Variants in CAPN8 observed in about 807,000 individuals in gnomAD.
The protein encoded by CAPN8 is calpain-8.
CAPN8 carries 87 observed loss-of-function variants against 80.9 expected under a neutral mutation model. The ratio of observed to expected loss-of-function variants is 1.07; its 90% CI spans 0.90 to 1.28. The LOEUF is 1.28. CAPN8 is among the 50% of genes most tolerant of loss of function. The probability of loss-of-function intolerance (pLI) is 0.00; values close to 1 mark genes in which losing one functional copy is unlikely to be tolerated. For synonymous variants in CAPN8, 299 were observed against 273.8 expected (o/e 1.09, Z -0.91); for missense variants, 757 against 702.0 (o/e 1.08, Z -0.89).
intron 1 of CAPN8, among the ~76,000 whole-genome samples, chr1:223,656,900 G>A (rs1000585448): frequency 1.3e-5 from 2 of 151,860 alleles, no homozygotes; most frequent in African/African-American, 2.4e-5. Flanking sequence ...TAACCAGGAT[G>A]GTCTCCATCT....
intron 1 of CAPN8, 132 bp from the exon 2 acceptor site, chr1:223,654,531 T>A (rs921328217): frequency 4.7e-5 from 36 of 771,234 alleles, no homozygotes; most frequent in Middle Eastern, 6.8e-4. Context: ...CATCACATGG[T>A]TTTATTGCTG....
At chr1:223,628,851 TC>T in intron 2 of CAPN8, 71 bp from the exon 3 acceptor site, 1 of 1,257,860 alleles carries the variant, frequency 8.0e-7, no homozygotes, top group Non-Finnish European at 1.1e-6. Context: ...TCTGACCCTG[TC>T]CCATTCAACC....
At chr1:223,627,353 C>G (rs949744391) in intron 4 of CAPN8, among the ~76,000 whole-genome samples, 196 bp from the exon 5 acceptor site, 2 of 152,186 alleles carry the variant, frequency 1.3e-5, no homozygotes, top group Admixed American at 1.3e-4. Flanking sequence ...TAGGAACTGA[C>G]CTCAGCCAAC....
At chr1:223,644,899 G>T (rs1279887391) in intron 2 of CAPN8, among the ~76,000 whole-genome samples, 1 of 152,158 alleles carries the variant, frequency 6.6e-6, no homozygotes, top group Admixed American at 6.5e-5. Flanking sequence ...TATTAGTCAG[G>T]GTTCTCTAGA....
At chr1:223,548,752 G>A (rs1434893436) in intron 16 of CAPN8, among the ~76,000 whole-genome samples, 1 of 152,152 alleles carries the variant, frequency 6.6e-6, no homozygotes, top group Non-Finnish European at 1.5e-5. Flanking sequence ...TGTTACAGCA[G>A]CCAGAACAGC....
At chr1:223,609,123 G>T (rs905543994) in intron 12 of CAPN8, 30 bp downstream of exon 12, 4 of 398,172 alleles carry the variant, frequency 1.0e-5, no homozygotes, top group African/African-American at 8.2e-5. Flanking sequence ...ACAGACAACT[G>T]TTCCCCACCA....
intron 13 of CAPN8, among the ~76,000 whole-genome samples, chr1:223,556,923 T>C (rs1656918576): frequency 6.6e-6 from 1 of 151,900 alleles, no homozygotes; most frequent in South Asian, 2.1e-4. Flanking sequence ...TGAGCTGGCA[T>C]CAGCAACTGA....
intron 16 of CAPN8, among the ~76,000 whole-genome samples, chr1:223,545,821 CTT>C (rs141485616): frequency 4.1e-5 from 4 of 98,572 alleles, no homozygotes; most frequent in South Asian, 3.6e-4. Flanking sequence ...CACTCCACAA[CTT>C]TTTTTTTTTT....
At chr1:223,632,224 A>G (rs982522656) in intron 2 of CAPN8, among the ~76,000 whole-genome samples, 7 of 152,184 alleles carry the variant, frequency 4.6e-5, no homozygotes, top group Non-Finnish European at 1.5e-5. Flanking sequence ...GATTGTCATG[A>G]CGAGAATGCG....
In CAPN8 at chr1:223,620,274, GA is replaced by G. The variant is rs1441176735; in HGVS notation, c.900-9del. 1 of 1,551,352 alleles carries G rather than the reference GA, an allele frequency of 6.4e-7. No individual in the cohort carries two copies. Among genetic ancestry groups the G allele is most frequent in the Non-Finnish European group, 8.7e-7 (1 of 1,146,738 alleles). ...TGATTCCACTCTGGTGCACTGAGGG[GA>G]AAACAAGCAGAGATGCTCGCTCCTG... On this transcript the variant is annotated splice_polypyrimidine_tract_variant and intron_variant, in intron 7 of 20. Coordinates refer to ENST00000366872, the MANE Select transcript of CAPN8 (RefSeq NM_001143962.2).
intron 2 of CAPN8, among the ~76,000 whole-genome samples, chr1:223,633,100 G>T (rs572948645): frequency 3.5e-4 from 54 of 152,300 alleles, no homozygotes; most frequent in African/African-American, 1.3e-3. Context: ...CTAGCCCTGG[G>T]CTGTCTGCCT....
chr1:223,652,034 T>C (rs1658355469), intron 2 of CAPN8, among the ~76,000 whole-genome samples: 1 of 152,238 alleles, frequency 6.6e-6, no homozygotes. Flanking sequence ...TTTCAGTTGC[T>C]TTAATTTTTA....
rs912016155 is a variant in CAPN8, at chr1:223,609,333, C to T, written c.1355G>A (p.Arg452Gln). ...LESHTDAHLG[R>Q]DFFLAYQPSA... is the part of the protein sequence containing the mutation. ...GGGCTGGTAGGCCAGGAAGAAATCC[C>T]GGCCCAAGTGTGCGTCCGTGTGACT... The change falls in exon 12 of 21, where the codon CGG becomes CAG. Residue 452 changes from arginine to glutamine, a missense_variant. Coordinates refer to ENST00000366872, the MANE Select transcript of CAPN8 (RefSeq NM_001143962.2). The T allele has an allele frequency of 9.0e-5, 36 of 398,394 alleles. No homozygotes were observed. The highest frequency in any genetic ancestry group is 1.4e-4 in the Non-Finnish European group (31 of 226,042). The allele number at this position is 398,394 out of a possible 1,614,324, so 24.7% of individuals were successfully genotyped here.
In CAPN8 at chr1:223,635,079, T is replaced by C. The variant is rs190317821; in HGVS notation, c.308-6299A>G. 5.1e-4 allele frequency among the ~76,000 whole-genome samples: 78 copies of C among 152,358 alleles called. No individual in the cohort carries two copies. In the South Asian group the frequency reaches 9.3e-3, roughly 18 times the overall value. On this transcript the variant is annotated intron_variant, in intron 2 of 20. Transcript: ENST00000366872. ...GCTGTGCTGATTGCACATCTGAGTA[T>C]AATGTAAAGATTTTGACCCTGCTAA...
chr1:223,657,724 C>T (rs1658537705), intron 1 of CAPN8, among the ~76,000 whole-genome samples: 1 of 152,124 alleles, frequency 6.6e-6, no homozygotes, highest in African/African-American at 2.4e-5. Flanking sequence ...CAAGATTGCG[C>T]CACTGCACTT....
intron 5 of CAPN8, 89 bp downstream of exon 5, chr1:223,626,900 G>A (rs756306643): frequency 8.7e-6 from 12 of 1,386,028 alleles, no homozygotes; most frequent in Non-Finnish European, 1.2e-5. Context: ...AGCCTTCCTA[G>A]GCCTCTCTCC....
intron 1 of CAPN8, 69 bp downstream of exon 1, chr1:223,665,341 A>T: frequency 7.9e-7 from 1 of 1,272,970 alleles, no homozygotes; most frequent in Non-Finnish European, 1.1e-6. Context: ...CTTCTCCCTC[A>T]GTTCCTCCTG....
intron 1 of CAPN8, among the ~76,000 whole-genome samples, chr1:223,662,701 G>C (rs1658679322): frequency 6.6e-6 from 1 of 152,142 alleles, no homozygotes; most frequent in Non-Finnish European, 1.5e-5. Context: ...AAAAATAAAT[G>C]AGTAAATGCA....
At chr1:223,625,041 C>T (rs1163993141) in intron 6 of CAPN8, among the ~76,000 whole-genome samples, 2 of 151,974 alleles carry the variant, frequency 1.3e-5, no homozygotes, top group African/African-American at 2.4e-5. Context: ...TGCAGTGAGC[C>T]GAGATTGCAT....
Sources: gnomAD v4.1 joint callset for allele counts (sites outside exome capture counted in the v4.1 genomes callset) on GRCh38, gnomAD v4.1.1 for gene constraint, MANE v1.5 for transcripts, NCBI Gene and HGNC (gene_info 2026-07-23, HGNC 2026-07-21) for gene names.